The following PSG2 variants were observed in gnomAD, a reference collection of about 807,000 sequenced individuals.
PSG2 encodes the protein pregnancy-specific beta-1-glycoprotein 2.
A neutral mutation model predicts 36.2 loss-of-function variants in PSG2; 49 were observed. The ratio of observed to expected loss-of-function variants is 1.35; its 90% CI spans 1.08 to 1.72. The LOEUF is 1.72. Among genes scored for constraint, PSG2 ranks in the 40% most tolerant of loss-of-function variants. The probability of loss-of-function intolerance (pLI) is 0.00; values close to 1 mark genes in which losing one functional copy is unlikely to be tolerated. For synonymous variants in PSG2, 261 were observed against 155.6 expected, an observed-to-expected ratio of 1.68 and a Z score of -5.04; for missense variants, 605 against 407.2, an observed-to-expected ratio of 1.49 and a Z score of -4.18.
At chr19:43,078,989 G>T (rs1967934389) in intron 2 of PSG2, among the ~76,000 whole-genome samples, 1 of 151,554 alleles carries the variant, frequency 6.6e-6, no homozygotes, top group Non-Finnish European at 1.5e-5. Flanking sequence ...GGCAGGAGTG[G>T]CAACTCCAGG....
chr19:43,067,719 G>A (rs550924677), intron 4 of PSG2, among the ~76,000 whole-genome samples: 3 of 151,436 alleles, frequency 2.0e-5, no homozygotes, highest in East Asian at 1.9e-4. Context: ...TATAGTAGCT[G>A]ACATTGGTTC....
At chr19:43,068,945 T>A (rs56244844) in intron 4 of PSG2, among the ~76,000 whole-genome samples, 1 of 151,484 alleles carries the variant, frequency 6.6e-6, no homozygotes, top group East Asian at 1.9e-4. Flanking sequence ...ATAGATAACT[T>A]GAACTTATAT....
intron 4 of PSG2, among the ~76,000 whole-genome samples, chr19:43,070,392 G>A (rs9917067): frequency 0.049 from 7,423 of 151,636 alleles, 810 homozygotes; most frequent in African/African-American, 0.17. Context: ...AAATATTTGT[G>A]CACTGATGTT....
At chr19:43,074,287 G>T (rs1248312465) in intron 3 of PSG2, among the ~76,000 whole-genome samples, 6 of 151,586 alleles carry the variant, frequency 4.0e-5, no homozygotes, top group Admixed American at 3.9e-4. Context: ...ACTTTGGGTA[G>T]TATTGTCTTT....
At chr19:43,071,156 C>G (rs970850639) in intron 4 of PSG2, among the ~76,000 whole-genome samples, 7 of 151,478 alleles carry the variant, frequency 4.6e-5, no homozygotes, top group Non-Finnish European at 2.9e-5. Flanking sequence ...GGGTCTTTCT[C>G]CACACATGCT....
At chr19:43,077,250 T>G (rs543945317) in intron 2 of PSG2, among the ~76,000 whole-genome samples, 1 of 151,724 alleles carries the variant, frequency 6.6e-6, no homozygotes, top group East Asian at 1.9e-4. Flanking sequence ...CCAAAGGTGA[T>G]TGGAAATTAG....
intron 2 of PSG2, among the ~76,000 whole-genome samples, chr19:43,077,253 G>A (rs937107670): frequency 4.0e-5 from 6 of 151,640 alleles, no homozygotes; most frequent in African/African-American, 1.5e-4. Context: ...AAGGTGATTG[G>A]AAATTAGCAG....
chr19:43,070,554 T>A (rs1266596883), intron 4 of PSG2, among the ~76,000 whole-genome samples: 1 of 151,724 alleles, frequency 6.6e-6, no homozygotes, highest in African/African-American at 2.4e-5. Flanking sequence ...GCAAAATGGA[T>A]GAACCTTGAA....
At chr19:43,067,312 C>A (rs564801204) in intron 4 of PSG2, among the ~76,000 whole-genome samples, 11 of 151,456 alleles carry the variant, frequency 7.3e-5, no homozygotes, top group African/African-American at 2.7e-4. Context: ...TCTTGTATGT[C>A]TAATCCCATC....
chr19:43,081,824 C>A, intron 1 of PSG2: 1 of 151,348 alleles, frequency 6.6e-6, no homozygotes, highest in Non-Finnish European at 1.4e-5. Context: ...TCAGGGCCCT[C>A]CACACCCTTG....
rs150464951 is a variant in PSG2 at position 43,071,724 on chromosome 19, T to A, written c.940A>T (p.Thr314Ser). ...CCAGAGACTTTGACTGTCAACGATG[T>A]GGAGCTTTCCTCGCCAGTGGCTGAG... The part of the protein sequence containing the change: ...RNSATGEESS[T>S]SLTVKVSAST... The change falls in exon 4 of 6, where the codon ACA (threonine) becomes TCA (serine). Residue 314 changes from threonine (T) to serine (S), a missense_variant. Physicochemically the swap from Thr to Ser is moderately conservative, Grantham distance 58 (BLOSUM62 1). Coordinates refer to ENST00000406487, the MANE Select transcript of PSG2 (RefSeq NM_031246.4). 2.4e-5 allele frequency: 38 copies of A among 1,612,850 alleles called. No homozygotes were observed. The African/African-American group carries it at 3.6e-4, about 15-fold the overall frequency.
intron 1 of PSG2, chr19:43,082,271 G>T: frequency 1.8e-6 from 1 of 559,326 alleles, no homozygotes; most frequent in Non-Finnish European, 2.9e-6. Flanking sequence ...CTCCTGAGTA[G>T]CTGGAATTAC....
At chr19:43,072,397 G>T in intron 3 of PSG2, 1 of 1,612,582 alleles carries the variant, frequency 6.2e-7, no homozygotes, top group Non-Finnish European at 8.5e-7. Flanking sequence ...CACCATATCG[G>T]TCCCGTATTT....
chr19:43,077,901 C>T lies in PSG2; in HGVS notation c.431-2269G>A, dbSNP rs145260587. 2.2e-3 allele frequency among the ~76,000 whole-genome samples: 338 copies of T among 151,692 alleles called. 4 individuals carry two copies. The highest frequency in any genetic ancestry group is 5.0e-4 in the Non-Finnish European group (34 of 67,960). On this transcript the variant is annotated intron_variant, in intron 2 of 5. Transcript: ENST00000406487. ...TAGCTTTTTTACTTAGTGTTGGAAC[C>T]GAGTGACAAATTCCAAGCTTGTTAT...
Position 43,081,169 on chromosome 19 carries a change from C to T in PSG2, c.142G>A (p.Gly48Arg). 2.5e-6 allele frequency: 4 copies of T among 1,612,706 alleles called. No homozygotes were observed. The highest frequency in any genetic ancestry group is 3.4e-6 in the Non-Finnish European group (4 of 1,179,636). Residue 48 changes from glycine (G) to arginine (R), a missense_variant, in exon 2 of 6, where the codon GGG (glycine) becomes AGG (arginine). By Grantham distance (125) the Gly-to-Arg change is moderately radical. Transcript: ENST00000406487. ...IEAQPPKVSE[G>R]KDVLLLVHNL... ...TGGACAAGTAGAAGAACATCCTTCC[C>T]CTCGGAAACTTTTGGTGGCTGGGCT...
intron 4 of PSG2, among the ~76,000 whole-genome samples, chr19:43,071,043 T>A (rs926701549): frequency 3.3e-5 from 5 of 151,612 alleles, no homozygotes; most frequent in Non-Finnish European, 7.4e-5. Flanking sequence ...CTTAGGAGTC[T>A]GCCCTGAGGC....
At chr19:43,075,702 A>T (rs1199968366) in intron 2 of PSG2, 70 bp from the exon 3 acceptor site, 1 of 1,553,918 alleles carries the variant, frequency 6.4e-7, no homozygotes, top group Non-Finnish European at 8.7e-7. Context: ...TTTTTCAATC[A>T]GAGTTGGCAT....
In PSG2 at chr19:43,079,249, G is replaced by A. The variant is rs1157415842; in HGVS notation, c.430+1632C>T. Among the ~76,000 whole-genome samples, 5 of 151,588 alleles carry A rather than the reference G, an allele frequency of 3.3e-5. No homozygotes were observed. In the East Asian group the frequency reaches 9.6e-4, roughly 29 times the overall value. ...GGCTACACTGACGTCAGAGACCCCA[G>A]GGACCAGCTGCCCCCAGTTCCACAG... is the stretch of plus-strand genomic sequence containing the variant. On this transcript the variant is annotated intron_variant, in intron 2 of 5. Transcript: ENST00000406487.
chr19:43,076,884 A>C (rs28718994), intron 2 of PSG2, among the ~76,000 whole-genome samples: 7,064 of 151,574 alleles, frequency 0.047, 746 homozygotes, highest in African/African-American at 0.16. Context: ...CAAATCTGAA[A>C]AATTTAAAAT....
Sources: gnomAD v4.1 joint callset for allele counts (sites outside exome capture counted in the v4.1 genomes callset) on GRCh38, gnomAD v4.1.1 for gene constraint, MANE v1.5 for transcripts, NCBI Gene and HGNC (gene_info 2026-07-23, HGNC 2026-07-21) for gene names.